The following DENND2C variants were observed in gnomAD, a reference collection of about 807,000 sequenced individuals.
DENND2C encodes DENN domain containing 2C, also known as DENN domain-containing protein 2C.
Under a neutral mutation model 112.4 loss-of-function variants are expected in DENND2C, and 72 were observed. The ratio of observed to expected loss-of-function variants is 0.64; its 90% CI spans 0.53 to 0.78. DENND2C has a LOEUF of 0.78. Among genes scored for constraint, DENND2C ranks in the 30% least tolerant of loss-of-function variants. DENND2C has a pLI of 0.00. For synonymous variants in DENND2C, 329 were observed against 381.6 expected (o/e 0.86, Z 1.61); for missense variants, 992 against 1,113.8 (o/e 0.89, Z 1.56).
At chr1:114,593,614 G>A (rs1469132038) in intron 18 of DENND2C, among the ~76,000 whole-genome samples, 1 of 151,978 alleles carries the variant, frequency 6.6e-6, no homozygotes, top group Non-Finnish European at 1.5e-5. Context: ...GTGAGACCCT[G>A]TCTCTACAAA....
intron 2 of DENND2C, among the ~76,000 whole-genome samples, chr1:114,649,276 T>C (rs1425525456): frequency 1.3e-5 from 2 of 152,148 alleles, no homozygotes; most frequent in African/African-American, 4.8e-5. Context: ...ATTATCCTTT[T>C]AAAAATCCCC....
In DENND2C at chr1:114,599,354, T is replaced by C. The variant is rs1462730392; in HGVS notation, c.2203A>G (p.Ile735Val). Reference sequence around the variant, plus strand: ...AGGAATGGTGTAGGTGAGCACACGATGTCAATCATAGATGCTGGCAGGACT... The same window carrying C: ...AGGAATGGTGTAGGTGAGCACACGACGTCAATCATAGATGCTGGCAGGACT... Reference protein sequence around the residue: ...IPVLPASMIDIVCSPTPFLIG... With the variant: ...IPVLPASMIDVVCSPTPFLIG... The change falls in exon 16 of 21, where the codon ATC (isoleucine) becomes GTC (valine). Residue 735 changes from isoleucine (I) to valine (V), a missense_variant. Physicochemically the swap from Ile to Val is conservative, Grantham distance 29. This residue lies in a region of DENND2C where 516 missense variants were observed against 623.6 expected (regional missense o/e 0.83). Coordinates refer to ENST00000393274, the MANE Select transcript of DENND2C (RefSeq NM_001256404.2). 1 of 1,614,024 alleles carries C rather than the reference T, an allele frequency of 6.2e-7. No homozygotes were observed. Among genetic ancestry groups the C allele is most frequent in the Non-Finnish European group, 8.5e-7 (1 of 1,180,026 alleles).
rs115704281 is a variant in DENND2C at position 114,588,819 on chromosome 1, T to C, written c.2432-867A>G. Reference sequence around the variant, plus strand: ...TGTTGCCCAGGCACTTGTCTCAAACTCCTGGGCTCAAGCAATTCTCCCACC... The same window carrying C: ...TGTTGCCCAGGCACTTGTCTCAAACCCCTGGGCTCAAGCAATTCTCCCACC... On this transcript the variant is annotated intron_variant, in intron 18 of 20. Transcript: ENST00000393274. Among the ~76,000 whole-genome samples the C allele has an allele frequency of 9.1e-3, 1,386 of 152,226 alleles. 14 individuals are homozygous for C. Among genetic ancestry groups the C allele is most frequent in the African/African-American group, 0.033 (1,352 of 41,518 alleles).
chr1:114,604,066 G>T (rs1195801258), intron 11 of DENND2C, among the ~76,000 whole-genome samples: 1 of 152,238 alleles, frequency 6.6e-6, no homozygotes. Flanking sequence ...CACTATGAAA[G>T]CTGCTGTTTA....
chr1:114,665,427 C>T (rs955759141), intron 1 of DENND2C, among the ~76,000 whole-genome samples: 1 of 152,114 alleles, frequency 6.6e-6, no homozygotes, highest in Non-Finnish European at 1.5e-5. Context: ...ATACTTTGGG[C>T]AATACAGACA....
intron 3 of DENND2C, among the ~76,000 whole-genome samples, chr1:114,633,297 T>A (rs1390913211): frequency 6.6e-6 from 1 of 151,810 alleles, no homozygotes; most frequent in Non-Finnish European, 1.5e-5. Flanking sequence ...ATACAGAAAC[T>A]GGCCAGGCGT....
chr1:114,630,259 G>C (rs1656453104), intron 3 of DENND2C, among the ~76,000 whole-genome samples: 1 of 151,670 alleles, frequency 6.6e-6, no homozygotes, highest in Admixed American at 6.6e-5. Flanking sequence ...AGTGAGCCGA[G>C]ATCGCGCCAC....
intron 7 of DENND2C, among the ~76,000 whole-genome samples, chr1:114,621,201 T>C (rs1656154602): frequency 6.6e-6 from 1 of 152,144 alleles, no homozygotes; most frequent in Non-Finnish European, 1.5e-5. Flanking sequence ...GGCAAGAGGA[T>C]TGCTTGAGGC....
rs373562281 is a variant in DENND2C, at chr1:114,601,544, C to T, written c.1779G>A (p.Met593Ile). The T allele has an allele frequency of 6.8e-6, 11 of 1,613,474 alleles. No individual in the cohort carries two copies. Among genetic ancestry groups the T allele is most frequent in the Admixed American group, 1.7e-5 (1 of 59,946 alleles). ...KGKRLPEVYC[M>I]VSRLGCFNLF... ...GATTGAAGCAGCCTAGGCGACTAAC[C>T]ATGCAGTATACCTCAGGGAGTCGCT... The change falls in exon 13 of 21, where the codon ATG becomes ATA. Residue 593 changes from methionine (M) to isoleucine (I), a missense_variant. Around this residue, in one of 3 missense-constraint regions of DENND2C, gnomAD observed 516 missense variants for 623.6 expected, o/e 0.83. Transcript: ENST00000393274.
chr1:114,630,053 G>A (rs144690696), intron 3 of DENND2C, among the ~76,000 whole-genome samples: 375 of 152,236 alleles, frequency 2.5e-3, no homozygotes, highest in African/African-American at 8.6e-3. Context: ...GGTGGCTCAC[G>A]CCTGTAATCC....
At chr1:114,597,595 A>G (rs1035934218) in intron 16 of DENND2C, among the ~76,000 whole-genome samples, 2 of 152,162 alleles carry the variant, frequency 1.3e-5, no homozygotes, top group African/African-American at 2.4e-5. Flanking sequence ...CAGCCTGGCC[A>G]ACATCGTGAA....
Position 114,625,248 on chromosome 1 carries a change from G to T in DENND2C, c.737C>A (p.Ser246Tyr). Residue 246 changes from serine (S) to tyrosine (Y), a missense_variant, in exon 4 of 21, where the codon TCT (serine) becomes TAT (tyrosine). Ser to Tyr is a moderately radical substitution (Grantham distance 144, BLOSUM62 -2). Coordinates refer to ENST00000393274, the MANE Select transcript of DENND2C (RefSeq NM_001256404.2). ...KYCENNSCAQSSLASSQEPEP... is the reference protein window; with the variant it reads ...KYCENNSCAQYSLASSQEPEP... ...AGGTTCCTGAGAAGAGGCCAAAGAA[G>T]ATTGTGCACAAGAGTTATTTTCACA... 2 of 1,614,056 alleles carry T rather than the reference G, an allele frequency of 1.2e-6. No homozygotes were observed. Among genetic ancestry groups the T allele is most frequent in the Non-Finnish European group, 1.7e-6 (2 of 1,179,994 alleles).
At chr1:114,622,557 T>C (rs1656194716) in intron 6 of DENND2C, among the ~76,000 whole-genome samples, 1 of 152,086 alleles carries the variant, frequency 6.6e-6, no homozygotes, top group Non-Finnish European at 1.5e-5. Flanking sequence ...GTTTCTCAGG[T>C]TTCTAATCCA....
intron 3 of DENND2C, among the ~76,000 whole-genome samples, chr1:114,634,027 TAAAG>T (rs1442495822): frequency 6.6e-6 from 1 of 152,174 alleles, no homozygotes; most frequent in East Asian, 1.9e-4. Flanking sequence ...ACAGCAGTGA[TAAAG>T]AAGGACATTA....
chr1:114,614,783 C>T (rs781241853), intron 8 of DENND2C, among the ~76,000 whole-genome samples: 40 of 151,980 alleles, frequency 2.6e-4, no homozygotes, highest in Non-Finnish European at 4.7e-4. Flanking sequence ...GAGGCCGAGG[C>T]GGGTGGATCA....
chr1:114,614,232 GAA>G (rs71090798), intron 8 of DENND2C, among the ~76,000 whole-genome samples: 30 of 114,342 alleles, frequency 2.6e-4, no homozygotes, highest in African/African-American at 6.7e-4. Flanking sequence ...ACTCTGTCTT[GAA>G]AAAAAAAAAA....
At chr1:114,589,684 T>C (rs1290603080) in intron 18 of DENND2C, among the ~76,000 whole-genome samples, 1 of 152,050 alleles carries the variant, frequency 6.6e-6, no homozygotes, top group Admixed American at 6.6e-5. Flanking sequence ...CTTCAACACT[T>C]TTGCCTCACT....
At position 114,585,292 on chromosome 1, in the gene DENND2C, G is replaced by T. The variant is rs1398663017; in HGVS notation, c.*308C>A. The T allele has an allele frequency of 3.0e-5, 10 of 338,022 alleles. No homozygotes were observed. Among genetic ancestry groups the T allele is most frequent in the East Asian group, 2.8e-4 (6 of 21,114 alleles). 20.9% of individuals were successfully genotyped at this position (338,022 alleles called of 1,614,324 possible). A position where few individuals can be genotyped will look rare whatever the true frequency, so the allele number is the denominator to read the frequency against. ...TGTAACAACAACAAGGCTTTTCCTT[G>T]TGAAACACAACTACTTTCACAGACA... On this transcript the variant is annotated 3_prime_UTR_variant, in exon 21 of 21. Transcript: ENST00000393274.
intron 8 of DENND2C, among the ~76,000 whole-genome samples, chr1:114,612,817 C>T (rs1291797930): frequency 1.3e-5 from 2 of 152,078 alleles, no homozygotes; most frequent in African/African-American, 2.4e-5. Context: ...CGCACCCAGC[C>T]ACCCAGCTAA....
Sources: gnomAD v4.1 joint callset for allele counts (sites outside exome capture counted in the v4.1 genomes callset) on GRCh38, gnomAD v4.1.1 for gene constraint, gnomAD v4.1.1 regional missense constraint, MANE v1.5 for transcripts, NCBI Gene and HGNC (gene_info 2026-07-23, HGNC 2026-07-21) for gene names.